The following HDAC4 variants were observed in gnomAD, a reference collection of about 807,000 sequenced individuals.
The protein encoded by HDAC4 is histone deacetylase 4.
In HDAC4, 16 loss-of-function variants were observed where a neutral mutation model predicts 135.1. The observed-to-expected ratio is 0.12, with a 90% CI of 0.08 to 0.18. HDAC4 has a LOEUF of 0.18. Among genes scored for constraint, HDAC4 ranks in the 10% least tolerant of loss-of-function variants. HDAC4 has a pLI of 1.00. For synonymous variants in HDAC4, 685 were observed against 653.4 expected (o/e 1.05, Z -0.74); for missense variants, 1,143 against 1,511.8 (o/e 0.76, Z 4.05).
intron 4 of HDAC4, 26 bp from the exon 5 acceptor site, chr2:239,176,589 G>C: frequency 6.2e-7 from 1 of 1,607,444 alleles, no homozygotes; most frequent in Non-Finnish European, 8.5e-7. Context: ...GGAGACAGAC[G>C]GTCAGAGCCC....
intron 5 of HDAC4, among the ~76,000 whole-genome samples, chr2:239,169,428 C>T (rs771264378): frequency 5.9e-5 from 9 of 152,218 alleles, no homozygotes; most frequent in Admixed American, 2.0e-4. Flanking sequence ...AGGGCTCCCA[C>T]GGGGACCGCG....
intron 4 of HDAC4, among the ~76,000 whole-genome samples, chr2:239,181,878 C>T (rs916419581): frequency 9.2e-5 from 14 of 152,326 alleles, no homozygotes; most frequent in Non-Finnish European, 1.9e-4. Context: ...TGTCATCAAA[C>T]CGTCACTTTT....
chr2:239,156,435 G>T (rs1575219958), intron 7 of HDAC4, among the ~76,000 whole-genome samples: 2 of 152,352 alleles, frequency 1.3e-5, no homozygotes, highest in East Asian at 3.9e-4. Flanking sequence ...TTCAGCAGTG[G>T]TGTACATGCG....
chr2:239,243,312 C>A (rs907966050), intron 2 of HDAC4, among the ~76,000 whole-genome samples: 2 of 152,066 alleles, frequency 1.3e-5, no homozygotes, highest in Admixed American at 1.3e-4. Flanking sequence ...GCCACCAAGC[C>A]CAGCTAGTAT....
chr2:239,094,291 CT>C, intron 17 of HDAC4: 2 of 985,456 alleles, frequency 2.0e-6, no homozygotes, highest in Non-Finnish European at 2.4e-6. Context: ...GGGGAGAACT[CT>C]TTTGTTATTG....
chr2:239,341,132 A>G (rs1692272227), intron 2 of HDAC4, among the ~76,000 whole-genome samples: 1 of 152,230 alleles, frequency 6.6e-6, no homozygotes, highest in Admixed American at 6.5e-5. Flanking sequence ...GCCTCCTCAA[A>G]TGTTCTAGAA....
chr2:239,352,760 T>C lies in HDAC4; in HGVS notation c.-61A>G, dbSNP rs1204607514. 1.0e-5 allele frequency: 15 copies of C among 1,486,728 alleles called. No homozygotes were observed. The highest frequency in any genetic ancestry group is 1.4e-5 in the Non-Finnish European group (15 of 1,087,942). The allele number at this position is 1,486,728 out of a possible 1,614,324, so 92.1% of individuals were successfully genotyped here. On this transcript the variant is annotated 5_prime_UTR_variant, in exon 2 of 27. Coordinates refer to ENST00000543185, the MANE Select transcript of HDAC4 (RefSeq NM_001378414.1). This position sits in a 1 kb window ranked among gnomAD's most constrained non-coding sequence, Gnocchi z 4.4. Reference sequence around the variant, plus strand: ...TGGCTCAAAATTTCCACGGAAACGATAGCTCCAACGAGCTCCAAACTCCCA... The same window carrying C: ...TGGCTCAAAATTTCCACGGAAACGACAGCTCCAACGAGCTCCAAACTCCCA...
chr2:239,382,093 C>T (rs956213073), intron 1 of HDAC4, among the ~76,000 whole-genome samples: 4 of 152,244 alleles, frequency 2.6e-5, no homozygotes, highest in African/African-American at 9.6e-5. Context: ...CTCCATATTC[C>T]TCAGCACAAT....
At position 239,144,645 on chromosome 2, in the gene HDAC4, AG is replaced by A; in HGVS notation, c.802del (p.Leu268CysfsTer13). Reference sequence around the variant, plus strand: ...CACTGGCCCGTCTTTCCTGCGTAACAGGGGGCTGCTCCGTCTTTCGGCCACT... The same window carrying A: ...CACTGGCCCGTCTTTCCTGCGTAACAGGGGCTGCTCCGTCTTTCGGCCACT... Reference protein sequence around the residue: ...QKVAERRSSPLLRRKDGPVVT... With the variant: ...QKVAERRSSPXLRRKDGPVVT... On this transcript the variant is annotated frameshift_variant, in exon 8 of 27. Transcript: ENST00000543185. LOFTEE classifies it high-confidence loss of function. 1 of 1,614,158 alleles carries A rather than the reference AG, an allele frequency of 6.2e-7. No individual in the cohort carries two copies. The highest frequency in any genetic ancestry group is 1.7e-5 in the Admixed American group (1 of 60,026).
intron 17 of HDAC4, chr2:239,094,079 C>A (rs997936817): frequency 2.0e-6 from 2 of 985,282 alleles, no homozygotes; most frequent in East Asian, 2.3e-4. Flanking sequence ...TCAGTGATTA[C>A]ACACACACTG....
chr2:239,321,542 G>C (rs1447245410), intron 2 of HDAC4, among the ~76,000 whole-genome samples: 1 of 150,268 alleles, frequency 6.7e-6, no homozygotes, highest in Non-Finnish European at 1.5e-5. Context: ...TAAGGTGAAC[G>C]TGTGTAAATG....
chr2:239,066,805 C>T lies in HDAC4; in HGVS notation c.2920G>A (p.Val974Ile), dbSNP rs200450668. 5.0e-6 allele frequency: 8 copies of T among 1,613,478 alleles called. No individual in the cohort carries two copies. The highest frequency in any genetic ancestry group is 1.7e-5 in the Admixed American group (1 of 60,028). ...QLMGLAGGRIVLALEGGHDLT... is the reference protein window; with the variant it reads ...QLMGLAGGRIILALEGGHDLT... ...TCGTGGCCTCCCTCGAGGGCCAGGA[C>T]AATCCGGCCGCCAGCCAGGCCCATC... Residue 974 changes from valine to isoleucine, a missense_variant, in exon 24 of 27, where the codon GTC (valine) becomes ATC (isoleucine). Physicochemically the swap from Val to Ile is conservative, Grantham distance 29. Coordinates refer to ENST00000543185, the MANE Select transcript of HDAC4 (RefSeq NM_001378414.1).
Position 239,082,110 on chromosome 2 carries a change from G to T in HDAC4, c.2644C>A (p.Pro882Thr). 6.2e-7 allele frequency: 1 copy of T among 1,614,106 alleles called. No individual in the cohort carries two copies. The change falls in exon 21 of 27, where the codon CCT becomes ACT. Residue 882 changes from proline to threonine, a missense_variant. Coordinates refer to ENST00000543185, the MANE Select transcript of HDAC4 (RefSeq NM_001378414.1). ...DGNFFPGSGA[P>T]DEVGTGPGVG... Reference sequence around the variant, plus strand: ...TTATATACCCCACCTACCTCATCAGGAGCCCCGCTGCCTGGGAAGAAGTTC... The same window carrying T: ...TTATATACCCCACCTACCTCATCAGTAGCCCCGCTGCCTGGGAAGAAGTTC...
At chr2:239,089,880 G>T in intron 18 of HDAC4, 129 bp downstream of exon 18, 1 of 735,624 alleles carries the variant, frequency 1.4e-6, no homozygotes, top group Non-Finnish European at 2.5e-6. Flanking sequence ...GACAGAGTGG[G>T]GTCCACGCCT....
intron 2 of HDAC4, among the ~76,000 whole-genome samples, chr2:239,329,791 C>T (rs912463971): frequency 2.0e-5 from 3 of 152,162 alleles, no homozygotes; most frequent in Admixed American, 2.0e-4. Flanking sequence ...CAGGAACAGG[C>T]GCTGGGCTCC....
At chr2:239,274,008 C>G (rs1473198470) in intron 2 of HDAC4, among the ~76,000 whole-genome samples, 3 of 152,172 alleles carry the variant, frequency 2.0e-5, no homozygotes, top group East Asian at 1.9e-4. Flanking sequence ...TCGGAAGACA[C>G]CTGCATGACG....
chr2:239,272,714 C>T (rs1469023238), intron 2 of HDAC4, among the ~76,000 whole-genome samples: 1 of 152,222 alleles, frequency 6.6e-6, no homozygotes, highest in Non-Finnish European at 1.5e-5. Context: ...ACCATCTGCA[C>T]TCACCCCCAA....
chr2:239,393,796 T>G (rs192035234), intron 1 of HDAC4, among the ~76,000 whole-genome samples: 1 of 152,202 alleles, frequency 6.6e-6, no homozygotes, highest in Non-Finnish European at 1.5e-5. Context: ...CCAGTTTTCC[T>G]GATCAAGCCT....
intron 24 of HDAC4, among the ~76,000 whole-genome samples, chr2:239,058,794 C>G (rs1316821548): frequency 6.6e-6 from 1 of 152,220 alleles, no homozygotes; most frequent in East Asian, 1.9e-4. Context: ...TTTGCCATGT[C>G]TTTCTCAGAT....
Sources: gnomAD v4.1 joint callset for allele counts (sites outside exome capture counted in the v4.1 genomes callset) on GRCh38, gnomAD v4.1.1 for gene constraint, Gnocchi (gnomAD v3.1) non-coding constraint, MANE v1.5 for transcripts, NCBI Gene and HGNC (gene_info 2026-07-23, HGNC 2026-07-21) for gene names.